COL19A1: variants seen among roughly 807,000 people sequenced by gnomAD.
The protein encoded by COL19A1 is collagen alpha-1(XIX) chain.
In COL19A1, 159 loss-of-function variants were observed where a neutral mutation model predicts 190.2. That is an observed-to-expected ratio of 0.84 (90% CI 0.73 to 0.95). The LOEUF is 0.95. Among genes scored for constraint, COL19A1 ranks in the 40% least tolerant of loss-of-function variants. The probability of loss-of-function intolerance (pLI) is 0.00; values close to 1 mark genes in which losing one functional copy is unlikely to be tolerated. For missense variants in COL19A1, 1,418 were observed against 1,431.9 expected (o/e 0.99, Z 0.16); for synonymous variants, 509 against 458.9 (o/e 1.11, Z -1.39).
chr6:69,882,616 G>T (rs1768637560), intron 2 of COL19A1, among the ~76,000 whole-genome samples: 1 of 152,036 alleles, frequency 6.6e-6, no homozygotes, highest in Non-Finnish European at 1.5e-5. Flanking sequence ...TAAAAAAACA[G>T]GCTAAATAAA....
chr6:70,065,307 A>G (rs1354376079), intron 14 of COL19A1, among the ~76,000 whole-genome samples: 1 of 152,154 alleles, frequency 6.6e-6, no homozygotes, highest in Non-Finnish European at 1.5e-5. Flanking sequence ...AATACCACAC[A>G]TCTACAACTA....
At chr6:70,138,545 T>A (rs944723093) in intron 19 of COL19A1, among the ~76,000 whole-genome samples, 1 of 152,150 alleles carries the variant, frequency 6.6e-6, no homozygotes, top group Non-Finnish European at 1.5e-5. Context: ...CTCTACCCCT[T>A]TCTTTACGAG....
intron 15 of COL19A1, among the ~76,000 whole-genome samples, chr6:70,069,796 CTTG>C (rs1168807163): frequency 3.9e-5 from 6 of 152,124 alleles, no homozygotes; most frequent in African/African-American, 9.7e-5. Context: ...GGAACTGATC[CTTG>C]TTGTTAAATT....
chr6:70,194,978 CAT>C (rs1767098968), intron 48 of COL19A1, among the ~76,000 whole-genome samples: 2 of 150,890 alleles, frequency 1.3e-5, no homozygotes. Flanking sequence ...TATATATATG[CAT>C]ATATATATGA....
chr6:70,110,428 T>C (rs1784220290), intron 16 of COL19A1, among the ~76,000 whole-genome samples: 1 of 152,134 alleles, frequency 6.6e-6, no homozygotes, highest in African/African-American at 2.4e-5. Context: ...AGGAATTTCA[T>C]TTCTTAAAAA....
intron 4 of COL19A1, among the ~76,000 whole-genome samples, chr6:69,927,325 T>C (rs1349289730): frequency 6.6e-6 from 1 of 152,146 alleles, no homozygotes; most frequent in Non-Finnish European, 1.5e-5. Context: ...TTGATGGGAA[T>C]ATAAAATATA....
At chr6:70,021,547 G>T (rs1413336157) in intron 11 of COL19A1, among the ~76,000 whole-genome samples, 1 of 152,012 alleles carries the variant, frequency 6.6e-6, no homozygotes, top group East Asian at 1.9e-4. Context: ...TTTTGTATTG[G>T]TATTAACACT....
At chr6:70,126,197 T>A (rs1405310649) in intron 17 of COL19A1, among the ~76,000 whole-genome samples, 2 of 152,138 alleles carry the variant, frequency 1.3e-5, no homozygotes, top group African/African-American at 4.8e-5. Flanking sequence ...CTATTTTTCT[T>A]TTCACATATT....
intron 11 of COL19A1, among the ~76,000 whole-genome samples, chr6:69,997,831 A>G (rs1199386736): frequency 6.6e-6 from 1 of 152,180 alleles, no homozygotes; most frequent in African/African-American, 2.4e-5. Flanking sequence ...GCAAGAGCCA[A>G]ACACTTCTGA....
At chr6:70,074,851 A>G (rs943479152) in intron 15 of COL19A1, among the ~76,000 whole-genome samples, 1 of 152,194 alleles carries the variant, frequency 6.6e-6, no homozygotes, top group Admixed American at 6.5e-5. Flanking sequence ...CTCTCACTAA[A>G]ACGATGACTG....
intron 11 of COL19A1, among the ~76,000 whole-genome samples, chr6:70,002,180 C>T (rs970145994): frequency 6.6e-6 from 1 of 152,138 alleles, no homozygotes; most frequent in Admixed American, 6.6e-5. Context: ...TTGATTTGCA[C>T]ATGTTGAACC....
rs974319686 is a variant in COL19A1 at position 69,960,192 on chromosome 6, G to A, written c.981+152G>A. On this transcript the variant is annotated intron_variant, in intron 10 of 50. Transcript: ENST00000620364. ...GATGTCTTTTCAAAGAGAACTTGTGGAAGCAATCCCCTCTTGAAGGGACCA... is the reference window on the plus strand; with the variant it reads ...GATGTCTTTTCAAAGAGAACTTGTGAAAGCAATCCCCTCTTGAAGGGACCA... 4 of 739,066 alleles carry A rather than the reference G, an allele frequency of 5.4e-6. No homozygotes were observed. The Admixed American group carries it at 8.5e-5, about 16-fold the overall frequency. 45.8% of individuals were successfully genotyped at this position (739,066 alleles called of 1,614,324 possible).
intron 15 of COL19A1, among the ~76,000 whole-genome samples, chr6:70,101,964 C>T (rs1221890157): frequency 6.6e-6 from 1 of 152,146 alleles, no homozygotes; most frequent in Non-Finnish European, 1.5e-5. Context: ...AAGGTTTATT[C>T]ATTTCAGGTA....
intron 11 of COL19A1, among the ~76,000 whole-genome samples, chr6:69,999,256 G>C (rs1259611395): frequency 6.6e-6 from 1 of 150,480 alleles, no homozygotes; most frequent in Non-Finnish European, 1.5e-5. Context: ...AAAAGACCAG[G>C]TGTAGTGGCT....
chr6:70,175,211 C>T (rs368584654), intron 41 of COL19A1, among the ~76,000 whole-genome samples: 3 of 152,108 alleles, frequency 2.0e-5, no homozygotes, highest in African/African-American at 7.2e-5. Context: ...GACATTACTT[C>T]TATCTCATGT....
At chr6:70,184,499 G>A (rs536948926) in intron 44 of COL19A1, among the ~76,000 whole-genome samples, 17 of 149,544 alleles carry the variant, frequency 1.1e-4, no homozygotes, top group African/African-American at 4.1e-4. Flanking sequence ...GCCCAAAAAG[G>A]TTAATGGGAC....
intron 15 of COL19A1, among the ~76,000 whole-genome samples, chr6:70,069,874 A>C (rs1038701472): frequency 6.6e-6 from 1 of 152,160 alleles, no homozygotes; most frequent in Admixed American, 6.6e-5. Flanking sequence ...CTTTTAAAAA[A>C]TGATTTGAAT....
chr6:69,935,945 T>G (rs1358725016), intron 7 of COL19A1, among the ~76,000 whole-genome samples: 1 of 152,092 alleles, frequency 6.6e-6, no homozygotes, highest in Non-Finnish European at 1.5e-5. Flanking sequence ...AATATTTTAG[T>G]TTTGTATCCT....
intron 6 of COL19A1, among the ~76,000 whole-genome samples, chr6:69,931,629 T>C (rs899991520): frequency 6.6e-6 from 1 of 152,170 alleles, no homozygotes; most frequent in Non-Finnish European, 1.5e-5. Flanking sequence ...CATTATACTA[T>C]GTAAGACGGT....
Sources: gnomAD v4.1 joint callset for allele counts (sites outside exome capture counted in the v4.1 genomes callset) on GRCh38, gnomAD v4.1.1 for gene constraint, MANE v1.5 for transcripts, NCBI Gene and HGNC (gene_info 2026-07-23, HGNC 2026-07-21) for gene names.